Variants in CNOT10 observed in about 807,000 individuals in gnomAD.
CNOT10 encodes CCR4-NOT transcription complex, subunit 10.
Under a neutral mutation model 94.6 loss-of-function variants are expected in CNOT10, and 30 were observed. The observed-to-expected ratio is 0.32, with a 90% CI of 0.24 to 0.43. The LOEUF (loss-of-function observed/expected upper bound fraction) is 0.43. Ranked by LOEUF, CNOT10 falls within the 20% of genes least tolerant of loss-of-function variation. CNOT10 has a pLI of 1.00. For missense variants in CNOT10, 759 were observed against 877.2 expected (o/e 0.87, Z 1.70); for synonymous variants, 289 against 301.6 (o/e 0.96, Z 0.43).
At chr3:32,713,470 A>G in intron 5 of CNOT10, 101 bp downstream of exon 5, 1 of 930,260 alleles carries the variant, frequency 1.1e-6, no homozygotes, top group South Asian at 1.6e-5. Flanking sequence ...AATATGATTA[A>G]TGTTTGTGGT....
At chr3:32,696,953 T>G (rs1697097191) in intron 1 of CNOT10, among the ~76,000 whole-genome samples, 1 of 151,518 alleles carries the variant, frequency 6.6e-6, no homozygotes, top group Admixed American at 6.6e-5. Flanking sequence ...TTCTTTTTCT[T>G]TTCTTTTTTT....
At chr3:32,744,776 C>G (rs1458646440) in intron 13 of CNOT10, among the ~76,000 whole-genome samples, 2 of 152,186 alleles carry the variant, frequency 1.3e-5, no homozygotes, top group Non-Finnish European at 2.9e-5. Context: ...GGGCCCCCAA[C>G]AGATACCACA....
At chr3:32,724,570 G>A (rs1037157257) in intron 8 of CNOT10, among the ~76,000 whole-genome samples, 20 of 151,874 alleles carry the variant, frequency 1.3e-4, no homozygotes, top group Non-Finnish European at 1.6e-4. Flanking sequence ...CCGCCACCAC[G>A]CCCGGCTAAT....
At chr3:32,691,939 A>G (rs947967859) in intron 1 of CNOT10, among the ~76,000 whole-genome samples, 2 of 151,700 alleles carry the variant, frequency 1.3e-5, no homozygotes, top group East Asian at 1.9e-4. Flanking sequence ...AGTCCCACCT[A>G]CAAGGGAGGG....
Position 32,769,787 on chromosome 3 carries a change from A to T in CNOT10, c.2005-100A>T, listed in dbSNP as rs369245077. ...GTCCCTAGGAAGTCACGTGGGAATGAGCTTGAATAAGTTTGTTACCTTGTT... is the reference window on the plus strand; with the variant it reads ...GTCCCTAGGAAGTCACGTGGGAATGTGCTTGAATAAGTTTGTTACCTTGTT... On this transcript the variant is annotated intron_variant, in intron 17 of 18. Transcript: ENST00000328834. 7.9e-5 allele frequency: 71 copies of T among 899,418 alleles called. No individual in the cohort carries two copies. In the South Asian group the frequency reaches 8.4e-4, roughly 11 times the overall value. The allele number at this position is 899,418 out of a possible 1,614,324, so 55.7% of individuals were successfully genotyped here.
chr3:32,703,171 G>A (rs1331784348), intron 1 of CNOT10, among the ~76,000 whole-genome samples: 1 of 147,850 alleles, frequency 6.8e-6, no homozygotes, highest in Non-Finnish European at 1.5e-5. Flanking sequence ...TGATGTGCCC[G>A]CCTTGGCCTC....
At chr3:32,713,006 T>C (rs1697958461) in intron 4 of CNOT10, among the ~76,000 whole-genome samples, 1 of 152,254 alleles carries the variant, frequency 6.6e-6, no homozygotes, top group Admixed American at 6.5e-5. Flanking sequence ...GAAGATTTAA[T>C]CACTGGAATT....
chr3:32,685,388 G>A lies in CNOT10; in HGVS notation c.-73G>A. 1 of 1,535,610 alleles carries A rather than the reference G, an allele frequency of 6.5e-7. No homozygotes were observed. On this transcript the variant is annotated 5_prime_UTR_variant, in exon 1 of 19. Transcript: ENST00000328834. ...CACAGAGTTGTCCTCGGAGGTCCAG[G>A]ACAGCGGCCAGCCCGGCGGCGGGAG...
In CNOT10 at chr3:32,685,490, G is replaced by C; in HGVS notation, c.22+8G>C. On this transcript the variant is annotated splice_region_variant and intron_variant, in intron 1 of 18. Coordinates refer to ENST00000328834, the MANE Select transcript of CNOT10 (RefSeq NM_015442.3). ...CTGCAGACAAGCCTGCAGGTAGGGC[G>C]CCAATGTCCCGAGCGACGAGACGGC... 6.5e-7 allele frequency: 1 copy of C among 1,550,368 alleles called. No homozygotes were observed. The highest frequency in any genetic ancestry group is 8.7e-7 in the Non-Finnish European group (1 of 1,146,714).
At chr3:32,736,451 G>A (rs1699195159) in intron 12 of CNOT10, among the ~76,000 whole-genome samples, 4 of 151,948 alleles carry the variant, frequency 2.6e-5, no homozygotes, top group Admixed American at 2.6e-4. Context: ...ATTTTTTCTT[G>A]ATTATAATAG....
chr3:32,690,020 A>G (rs1352007972), intron 1 of CNOT10, among the ~76,000 whole-genome samples: 1 of 152,182 alleles, frequency 6.6e-6, no homozygotes, highest in East Asian at 1.9e-4. Flanking sequence ...ATGGCAAGAG[A>G]TAAAGTCACA....
At chr3:32,702,936 G>A (rs1341666677) in intron 1 of CNOT10, among the ~76,000 whole-genome samples, 1 of 150,122 alleles carries the variant, frequency 6.7e-6, no homozygotes, top group Non-Finnish European at 1.5e-5. Flanking sequence ...TTTTGAGACG[G>A]AGTCCTACTC....
rs770311845 is a variant in CNOT10, at chr3:32,764,670, C to CT, written c.1877-7dup. The CT allele has an allele frequency of 5.9e-5, 96 of 1,613,542 alleles. No individual in the cohort carries two copies. In the African/African-American group the frequency reaches 9.1e-4, roughly 15 times the overall value. ...CGGCCTCTTCACCAGTGTCTACACT[C>CT]TTTTTCCCCAGCTGGTAAGCGGGCC... On this transcript the variant is annotated splice_polypyrimidine_tract_variant and intron_variant, in intron 16 of 18. Transcript: ENST00000328834.
chr3:32,689,504 G>A (rs1380837804), intron 1 of CNOT10, among the ~76,000 whole-genome samples: 1 of 152,170 alleles, frequency 6.6e-6, no homozygotes, highest in Non-Finnish European at 1.5e-5. Flanking sequence ...GAATGATCCA[G>A]GTAAGAGGAG....
intron 18 of CNOT10, 73 bp from the exon 19 acceptor site, chr3:32,773,384 G>T (rs1700995260): frequency 6.8e-7 from 1 of 1,463,298 alleles, no homozygotes; most frequent in Non-Finnish European, 9.2e-7. Context: ...TCCCCAGCAG[G>T]ATTTTCATGT....
intron 13 of CNOT10, among the ~76,000 whole-genome samples, chr3:32,749,503 G>A (rs543011955): frequency 2.7e-5 from 4 of 148,364 alleles, no homozygotes; most frequent in Non-Finnish European, 5.9e-5. Context: ...TCCACCTCTT[G>A]GGTTCAAGTG....
chr3:32,767,008 C>T (rs888849534), intron 17 of CNOT10, among the ~76,000 whole-genome samples: 2 of 152,238 alleles, frequency 1.3e-5, no homozygotes, highest in African/African-American at 4.8e-5. Context: ...CATAAGCAGA[C>T]ATACTACAAT....
At chr3:32,758,894 T>G (rs1038011264) in intron 13 of CNOT10, among the ~76,000 whole-genome samples, 1 of 152,216 alleles carries the variant, frequency 6.6e-6, no homozygotes, top group Non-Finnish European at 1.5e-5. Flanking sequence ...AGAAGAATAG[T>G]AACTGTGTGA....
At chr3:32,693,991 G>A (rs1249446534) in intron 1 of CNOT10, among the ~76,000 whole-genome samples, 1 of 151,834 alleles carries the variant, frequency 6.6e-6, no homozygotes. Context: ...TAATTTTTTA[G>A]GTATGTAAGT....
Sources: allele counts gnomAD v4.1 joint callset (sites outside exome capture counted in the v4.1 genomes callset), GRCh38; gene constraint gnomAD v4.1.1; transcripts MANE v1.5; gene names NCBI Gene and HGNC (gene_info 2026-07-23, HGNC 2026-07-21).